Variants in CNTNAP2 observed in about 807,000 individuals in gnomAD.
CNTNAP2 encodes contactin associated protein 2, also known as contactin-associated protein-like 2.
In CNTNAP2, 98 loss-of-function variants were observed where a neutral mutation model predicts 155.2. The observed-to-expected ratio is 0.63, with a 90% CI of 0.54 to 0.75. CNTNAP2 has a LOEUF of 0.75. Ranked by LOEUF, CNTNAP2 falls within the 30% of genes least tolerant of loss-of-function variation. The pLI is 0.00. For missense variants in CNTNAP2, 1,727 were observed against 1,688.1 expected (o/e 1.02, Z -0.40); for synonymous variants, 651 against 631.2 (o/e 1.03, Z -0.47).
At chr7:146,944,844 C>A (rs1197275865) in intron 3 of CNTNAP2, among the ~76,000 whole-genome samples, 1 of 151,368 alleles carries the variant, frequency 6.6e-6, no homozygotes, top group Non-Finnish European at 1.5e-5. Flanking sequence ...TGCCACTGCA[C>A]TCTGGCCTGG....
chr7:148,157,736 T>C (rs1224298876), intron 17 of CNTNAP2, among the ~76,000 whole-genome samples: 4 of 152,180 alleles, frequency 2.6e-5, no homozygotes, highest in Non-Finnish European at 5.9e-5. Flanking sequence ...GCAGAGTTTC[T>C]ACCCCAACCT....
At chr7:147,810,106 G>A (rs1434556689) in intron 13 of CNTNAP2, among the ~76,000 whole-genome samples, 1 of 152,038 alleles carries the variant, frequency 6.6e-6, no homozygotes, top group East Asian at 1.9e-4. Flanking sequence ...TACTTTGTAT[G>A]GCAGATGCCA....
intron 9 of CNTNAP2, among the ~76,000 whole-genome samples, chr7:147,357,128 A>G (rs1242814144): frequency 2.6e-5 from 4 of 152,150 alleles, no homozygotes; most frequent in African/African-American, 7.2e-5. Flanking sequence ...CAAACATTCT[A>G]TGAGGCAGGT....
chr7:147,895,260 C>CACCGCGCCCAGCTT (rs1799759201), intron 13 of CNTNAP2, among the ~76,000 whole-genome samples: 1 of 152,036 alleles, frequency 6.6e-6, no homozygotes, highest in Non-Finnish European at 1.5e-5. Context: ...AGGCGTGAGC[C>CACCGCGCCCAGCTT]ACCGCGCCCA....
At chr7:146,349,995 C>A (rs535332858) in intron 1 of CNTNAP2, among the ~76,000 whole-genome samples, 1 of 152,160 alleles carries the variant, frequency 6.6e-6, no homozygotes, top group South Asian at 2.1e-4. Flanking sequence ...CTTTGTATTT[C>A]CTGAATCTGA....
At chr7:147,790,226 C>T (rs1410920183) in intron 13 of CNTNAP2, among the ~76,000 whole-genome samples, 1 of 152,074 alleles carries the variant, frequency 6.6e-6, no homozygotes, top group Non-Finnish European at 1.5e-5. Context: ...CCACCACCCA[C>T]CCCAGCACCC....
intron 1 of CNTNAP2, among the ~76,000 whole-genome samples, chr7:146,487,787 G>T (rs1307663309): frequency 6.6e-6 from 1 of 152,122 alleles, no homozygotes; most frequent in Non-Finnish European, 1.5e-5. Context: ...TTAAAGAAGC[G>T]CAGTGAGACG....
chr7:147,293,797 G>A (rs1419406566), intron 8 of CNTNAP2, among the ~76,000 whole-genome samples: 3 of 152,058 alleles, frequency 2.0e-5, no homozygotes, highest in South Asian at 4.2e-4. Flanking sequence ...TAGAAAGCAC[G>A]GATAGAAAAC....
intron 13 of CNTNAP2, among the ~76,000 whole-genome samples, chr7:147,774,140 G>T (rs1797520710): frequency 6.6e-6 from 1 of 151,960 alleles, no homozygotes; most frequent in South Asian, 2.1e-4. Context: ...CTTTATTTTG[G>T]TCTCTTGGCA....
rs562255612 is a variant in CNTNAP2 at position 146,648,940 on chromosome 7, C to T, written c.98-125331C>T. Reference sequence around the variant, plus strand: ...TAATCATATTAAATCTAATTGTTGGCGGACAGATGATGGGAAATACCGCTC... The same window carrying T: ...TAATCATATTAAATCTAATTGTTGGTGGACAGATGATGGGAAATACCGCTC... On this transcript the variant is annotated intron_variant, in intron 1 of 23. Coordinates refer to ENST00000361727, the MANE Select transcript of CNTNAP2 (RefSeq NM_014141.6). 3.0e-4 allele frequency among the ~76,000 whole-genome samples: 45 copies of T among 151,984 alleles called. No homozygotes were observed. In the East Asian group the frequency reaches 6.8e-3, roughly 23 times the overall value.
At chr7:146,893,431 A>G (rs911738717) in intron 3 of CNTNAP2, among the ~76,000 whole-genome samples, 1 of 149,836 alleles carries the variant, frequency 6.7e-6, no homozygotes, top group Non-Finnish European at 1.5e-5. Flanking sequence ...ATATATACAT[A>G]TGTGTGTGTA....
At chr7:147,391,881 G>C (rs954409241) in intron 9 of CNTNAP2, among the ~76,000 whole-genome samples, 3 of 151,652 alleles carry the variant, frequency 2.0e-5, no homozygotes, top group Non-Finnish European at 4.4e-5. Context: ...CATCTGGAGA[G>C]ATTGGAATTG....
At chr7:146,721,529 C>CTA (rs1420638096) in intron 1 of CNTNAP2, among the ~76,000 whole-genome samples, 45 of 106,918 alleles carry the variant, frequency 4.2e-4, no homozygotes, top group East Asian at 1.2e-3. Flanking sequence ...TATATATATT[C>CTA]TATATACATT....
chr7:146,190,131 AC>A, intron 1 of CNTNAP2, among the ~76,000 whole-genome samples: 1 of 152,212 alleles, frequency 6.6e-6, no homozygotes, highest in Admixed American at 6.5e-5. Context: ...CTTGGTAAGA[AC>A]CCAGGAAAAT....
intron 8 of CNTNAP2, among the ~76,000 whole-genome samples, chr7:147,197,098 G>A (rs75198807): frequency 0.016 from 2,426 of 152,184 alleles, 26 homozygotes; most frequent in South Asian, 0.041. Flanking sequence ...AAAATTGAAA[G>A]TATCTCTGAT....
chr7:146,942,650 C>T lies in CNTNAP2; in HGVS notation c.403-101257C>T, dbSNP rs531846385. Among the ~76,000 whole-genome samples, 8 of 151,904 alleles carry T rather than the reference C, an allele frequency of 5.3e-5. No individual in the cohort carries two copies. In the South Asian group the frequency reaches 1.7e-3, roughly 32 times the overall value. ...CTTACTGAAAAGACACAGGAGTGGCCAATGAAAAACAAAGAATGCATGTTC... is the reference window on the plus strand; with the variant it reads ...CTTACTGAAAAGACACAGGAGTGGCTAATGAAAAACAAAGAATGCATGTTC... On this transcript the variant is annotated intron_variant, in intron 3 of 23. Transcript: ENST00000361727.
intron 15 of CNTNAP2, among the ~76,000 whole-genome samples, chr7:148,068,682 C>G (rs1354980329): frequency 6.6e-6 from 1 of 152,090 alleles, no homozygotes; most frequent in Non-Finnish European, 1.5e-5. Context: ...GATTTTTTCC[C>G]AATAATGTTA....
intron 11 of CNTNAP2, among the ~76,000 whole-genome samples, chr7:147,540,993 A>C (rs1264719209): frequency 6.6e-6 from 1 of 152,222 alleles, no homozygotes; most frequent in Non-Finnish European, 1.5e-5. Context: ...GGAGGCAGAA[A>C]ACTGCAATAA....
chr7:147,608,716 C>T (rs549529824), intron 12 of CNTNAP2, among the ~76,000 whole-genome samples: 99 of 152,260 alleles, frequency 6.5e-4, no homozygotes, highest in Non-Finnish European at 1.2e-3. Flanking sequence ...CACTGTCACG[C>T]GTGTCTGTGT....
Sources: gnomAD v4.1 joint callset for allele counts (sites outside exome capture counted in the v4.1 genomes callset) on GRCh38, gnomAD v4.1.1 for gene constraint, MANE v1.5 for transcripts, NCBI Gene and HGNC (gene_info 2026-07-23, HGNC 2026-07-21) for gene names.